HOMER1: variants seen among roughly 807,000 people sequenced by gnomAD.
HOMER1 encodes homer scaffold protein 1, also known as homer protein homolog 1.
In HOMER1, 3 loss-of-function variants were observed where a neutral mutation model predicts 48.9. The observed-to-expected ratio is 0.06, with a 90% CI of 0.03 to 0.16. The LOEUF (loss-of-function observed/expected upper bound fraction) is 0.16, where lower values mean the gene tolerates loss of function less well. Among genes scored for constraint, HOMER1 ranks in the 10% least tolerant of loss-of-function variants. HOMER1 has a pLI of 1.00. For synonymous variants in HOMER1, 134 were observed against 146.4 expected, an observed-to-expected ratio of 0.92 and a Z score of 0.61; for missense variants, 247 against 411.4, an observed-to-expected ratio of 0.60 and a Z score of 3.46.
At position 79,512,790 on chromosome 5, in the gene HOMER1, C is replaced by T. The variant is rs762279450; in HGVS notation, c.-16G>A. 3 of 1,613,408 alleles carry T rather than the reference C, an allele frequency of 1.9e-6. No homozygotes were observed. The highest frequency in any genetic ancestry group is 1.3e-5 in the African/African-American group (1 of 74,902). On this transcript the variant is annotated 5_prime_UTR_variant, in exon 1 of 9. Coordinates refer to ENST00000334082, the MANE Select transcript of HOMER1 (RefSeq NM_004272.5). ...CTTACCCCATTTTGCCCAATGAAAACTTGCTCTGAAGTTTCAGCTCTTATG... is the reference window on the plus strand; with the variant it reads ...CTTACCCCATTTTGCCCAATGAAAATTTGCTCTGAAGTTTCAGCTCTTATG...
rs60970254 is a variant in HOMER1 at position 79,431,870 on chromosome 5, A to C, written c.527+7140T>G. 2.6e-3 allele frequency among the ~76,000 whole-genome samples: 390 copies of C among 152,314 alleles called. 3 individuals are homozygous for C. The highest frequency in any genetic ancestry group is 8.9e-3 in the African/African-American group (368 of 41,562). ...TCAGTGATTGTGACCTTATTTCCAC[A>C]TGAAGTATGAATCTTATGTATTATC... On this transcript the variant is annotated intron_variant, in intron 5 of 8. Transcript: ENST00000334082.
At chr5:79,379,125 A>ATATATT (rs1561340372) in intron 8 of HOMER1, among the ~76,000 whole-genome samples, 7 of 99,032 alleles carry the variant, frequency 7.1e-5, no homozygotes, top group African/African-American at 3.2e-4. Flanking sequence ...AAATATATAA[A>ATATATT]TATTTATTTA....
intron 1 of HOMER1, among the ~76,000 whole-genome samples, chr5:79,498,220 G>A (rs1341005160): frequency 6.6e-6 from 1 of 152,092 alleles, no homozygotes; most frequent in African/African-American, 2.4e-5. Flanking sequence ...GACCAACATG[G>A]AGAAACCCGT....
At position 79,502,821 on chromosome 5, in the gene HOMER1, C is replaced by T. The variant is rs527253268; in HGVS notation, c.5+9949G>A. ...TTTTTGTGTGTGTGTGAGACAGTCT[C>T]GCTCTGTCGCCCAGGCTGGAGTGCA... On this transcript the variant is annotated intron_variant, in intron 1 of 8. Coordinates refer to ENST00000334082, the MANE Select transcript of HOMER1 (RefSeq NM_004272.5). Among the ~76,000 whole-genome samples, 43 of 152,304 alleles carry T rather than the reference C, an allele frequency of 2.8e-4. No individual in the cohort carries two copies. The East Asian group carries it at 3.1e-3, about 11-fold the overall frequency.
intron 2 of HOMER1, among the ~76,000 whole-genome samples, chr5:79,453,662 C>T (rs1237085578): frequency 6.6e-6 from 1 of 152,168 alleles, no homozygotes; most frequent in Non-Finnish European, 1.5e-5. Flanking sequence ...ATTACTACCT[C>T]ATGTATGGAT....
rs146317312 is a variant in HOMER1 at position 79,466,641 on chromosome 5, G to A, written c.6-9623C>T. 5.5e-4 allele frequency among the ~76,000 whole-genome samples: 83 copies of A among 152,076 alleles called. 1 individual carries two copies. The highest frequency in any genetic ancestry group is 1.9e-3 in the African/African-American group (77 of 41,488). ...TAAATTCTGAGAACTGACAGTATAT[G>A]CCTGGGAAATCTAAAGAAAGTAATC... On this transcript the variant is annotated intron_variant, in intron 1 of 8. Coordinates refer to ENST00000334082, the MANE Select transcript of HOMER1 (RefSeq NM_004272.5).
rs149170775 is a variant in HOMER1 at position 79,513,049 on chromosome 5, A to C, written c.-275T>G. 17 of 518,282 alleles carry C rather than the reference A, an allele frequency of 3.3e-5. No individual in the cohort carries two copies. Among genetic ancestry groups the C allele is most frequent in the Non-Finnish European group, 5.8e-5 (17 of 291,998 alleles). 32.1% of individuals were successfully genotyped at this position (518,282 alleles called of 1,614,324 possible). On this transcript the variant is annotated 5_prime_UTR_variant, in exon 1 of 9. The change creates a new upstream start codon in the 5' untranslated region. Coordinates refer to ENST00000334082, the MANE Select transcript of HOMER1 (RefSeq NM_004272.5). ...GACAGCGATCAACTCTATTCCACAA[A>C]ATGAGTCTACAAGTAGGGAAATGCA...
intron 3 of HOMER1, 63 bp downstream of exon 3, chr5:79,450,927 A>G: frequency 6.7e-7 from 1 of 1,487,008 alleles, no homozygotes. Context: ...ATTTGGTATT[A>G]TATATTTAAG....
At chr5:79,485,991 G>A (rs1368991002) in intron 1 of HOMER1, among the ~76,000 whole-genome samples, 3 of 152,142 alleles carry the variant, frequency 2.0e-5, no homozygotes, top group Non-Finnish European at 4.4e-5. Context: ...AGTCTACATT[G>A]TATTAGGCCA....
intron 1 of HOMER1, among the ~76,000 whole-genome samples, chr5:79,474,009 T>C (rs1751689376): frequency 6.6e-6 from 1 of 152,062 alleles, no homozygotes; most frequent in South Asian, 2.1e-4. Flanking sequence ...TTTTGGAGCC[T>C]ATTAACTATT....
At chr5:79,435,407 T>G (rs1750547750) in intron 5 of HOMER1, among the ~76,000 whole-genome samples, 1 of 152,332 alleles carries the variant, frequency 6.6e-6, no homozygotes, top group Admixed American at 6.5e-5. Context: ...TCTTTTTTAT[T>G]TTTAGCACAT....
At chr5:79,380,956 A>C (rs1748954182) in intron 8 of HOMER1, among the ~76,000 whole-genome samples, 1 of 152,036 alleles carries the variant, frequency 6.6e-6, no homozygotes, top group South Asian at 2.1e-4. Context: ...GCCATCGTCC[A>C]TACTACACCA....
chr5:79,489,117 AT>A (rs1248572241), intron 1 of HOMER1, among the ~76,000 whole-genome samples: 2 of 152,234 alleles, frequency 1.3e-5, no homozygotes, highest in Admixed American at 6.5e-5. Context: ...TCTAAAAAAA[AT>A]CTTGTTAATA....
chr5:79,461,286 C>T (rs1174808419), intron 1 of HOMER1, among the ~76,000 whole-genome samples: 1 of 152,182 alleles, frequency 6.6e-6, no homozygotes, highest in African/African-American at 2.4e-5. Context: ...ACCTGTAATA[C>T]ATTTGAAATT....
chr5:79,510,118 T>G (rs997236840), intron 1 of HOMER1, among the ~76,000 whole-genome samples: 18 of 152,052 alleles, frequency 1.2e-4, no homozygotes, highest in African/African-American at 4.3e-4. Flanking sequence ...GCTCTTCTAC[T>G]TCCATCTACC....
chr5:79,450,960 T>C (rs747187129), intron 3 of HOMER1, 30 bp downstream of exon 3: 12 of 1,601,908 alleles, frequency 7.5e-6, no homozygotes, highest in Non-Finnish European at 1.0e-5. Flanking sequence ...AAGATGAAGA[T>C]TTTCATTCAA....
intron 5 of HOMER1, among the ~76,000 whole-genome samples, chr5:79,427,474 C>T (rs550316340): frequency 4.1e-4 from 62 of 152,194 alleles, no homozygotes; most frequent in African/African-American, 1.4e-3. Context: ...CCACAATTTT[C>T]GCCTCCCAGG....
chr5:79,385,570 G>A (rs149034096), intron 8 of HOMER1, among the ~76,000 whole-genome samples: 120 of 152,168 alleles, frequency 7.9e-4, no homozygotes, highest in African/African-American at 2.7e-3. Flanking sequence ...GGCCAGGTGC[G>A]ATGGCTCATG....
At chr5:79,474,565 T>C (rs1288909734) in intron 1 of HOMER1, among the ~76,000 whole-genome samples, 1 of 152,110 alleles carries the variant, frequency 6.6e-6, no homozygotes, top group Non-Finnish European at 1.5e-5. Context: ...AAATCATCTG[T>C]TTGCTATTAC....
Sources: gnomAD v4.1 joint callset for allele counts (sites outside exome capture counted in the v4.1 genomes callset) on GRCh38, gnomAD v4.1.1 for gene constraint, MANE v1.5 for transcripts, NCBI Gene and HGNC (gene_info 2026-07-23, HGNC 2026-07-21) for gene names.